UQCC6: variants seen among roughly 807,000 people sequenced by gnomAD.
UQCC6 encodes protein BRAWNIN.
the UQCC6 span, chr12:103,951,663 T>C: frequency 8.1e-7 from 1 of 1,236,838 alleles, no homozygotes; most frequent in Admixed American, 2.2e-5. Context: ...AACATAAATG[T>C]CTAACCCTTA....
chr12:103,960,616 A>G, the UQCC6 span, among the ~76,000 whole-genome samples: 1 of 152,218 alleles, frequency 6.6e-6, no homozygotes, highest in African/African-American at 2.4e-5. Flanking sequence ...CACATACCCC[A>G]CACCATATTA....
the UQCC6 span, among the ~76,000 whole-genome samples, chr12:103,958,359 A>G: frequency 6.6e-6 from 1 of 152,154 alleles, no homozygotes; most frequent in African/African-American, 2.4e-5. Flanking sequence ...AGTATACAAT[A>G]TGATGTTTGA....
chr12:103,951,634 CA>C, the UQCC6 span: 49 of 1,429,230 alleles, frequency 3.4e-5, no homozygotes, highest in South Asian at 4.0e-5. Context: ...GTATTGTCTG[CA>C]AAAAAAACAA....
chr12:103,956,762 G>C, the UQCC6 span: 2 of 1,498,968 alleles, frequency 1.3e-6, no homozygotes, highest in Non-Finnish European at 1.8e-6. Flanking sequence ...GACGGGGAAG[G>C]AAGGGGCAGT....
the UQCC6 span, among the ~76,000 whole-genome samples, chr12:103,957,582 C>T: frequency 4.6e-5 from 7 of 152,272 alleles, no homozygotes; most frequent in East Asian, 7.7e-4. Flanking sequence ...AAGGCACTCA[C>T]TGTCCCTGTG....
the UQCC6 span, chr12:103,950,234 A>G: frequency 6.6e-6 from 1 of 152,202 alleles, no homozygotes; most frequent in African/African-American, 2.4e-5. Context: ...TTTAATGCAT[A>G]TATGTTACAG....
At chr12:103,962,186 T>C in the UQCC6 span, among the ~76,000 whole-genome samples, 6 of 152,236 alleles carry the variant, frequency 3.9e-5, no homozygotes, top group East Asian at 9.6e-4. Context: ...TGTTTTCTTA[T>C]GGGTTTTGAG....
At chr12:103,957,612 C>G in the UQCC6 span, among the ~76,000 whole-genome samples, 1 of 152,202 alleles carries the variant, frequency 6.6e-6, no homozygotes, top group South Asian at 2.1e-4. Flanking sequence ...TTTTGATACC[C>G]GAAATAGAGC....
chr12:103,960,264 G>A, the UQCC6 span, among the ~76,000 whole-genome samples: 1 of 151,948 alleles, frequency 6.6e-6, no homozygotes, highest in Admixed American at 6.6e-5. Context: ...GTAGAGACGG[G>A]GTTTCACCAC....
chr12:103,952,686 C>G, the UQCC6 span, among the ~76,000 whole-genome samples: 1 of 151,962 alleles, frequency 6.6e-6, no homozygotes, highest in African/African-American at 2.4e-5. Context: ...ACTTGTTACT[C>G]TCTGTTTTAC....
the UQCC6 span, among the ~76,000 whole-genome samples, chr12:103,958,837 A>T: frequency 6.6e-6 from 1 of 152,236 alleles, no homozygotes; most frequent in African/African-American, 2.4e-5. Flanking sequence ...TTCTCAGATT[A>T]TATATTAACT....
chr12:103,953,911 G>C, the UQCC6 span, among the ~76,000 whole-genome samples: 4 of 152,204 alleles, frequency 2.6e-5, no homozygotes, highest in African/African-American at 9.7e-5. Context: ...GTCTATTCCT[G>C]CACAAGCTAT....
At chr12:103,951,377 A>G in the UQCC6 span, 1 of 509,842 alleles carries the variant, frequency 2.0e-6, no homozygotes, top group Admixed American at 3.6e-5. Context: ...AACCGTAATT[A>G]AATTTCAACG....
At chr12:103,955,062 C>A in the UQCC6 span, 1 of 647,718 alleles carries the variant, frequency 1.5e-6, no homozygotes, top group Non-Finnish European at 2.8e-6. Context: ...TGCCTGTAAC[C>A]CCAGCACTTT....
At chr12:103,964,144 T>A in the UQCC6 span, among the ~76,000 whole-genome samples, 1 of 43,748 alleles carries the variant, frequency 2.3e-5, no homozygotes, top group Non-Finnish European at 5.1e-5. Flanking sequence ...TTTTTTTTTT[T>A]TTTTTTTTTT....
chr12:103,956,668 C>A, the UQCC6 span: 1 of 1,551,716 alleles, frequency 6.4e-7, no homozygotes, highest in Non-Finnish European at 8.7e-7. Flanking sequence ...CACTTCTGCC[C>A]CTGCGCACAT....
At chr12:103,955,597 A>C in the UQCC6 span, 5 of 370,166 alleles carry the variant, frequency 1.4e-5, no homozygotes, top group South Asian at 1.1e-4. Flanking sequence ...GCACCACTGC[A>C]CTCCAACCTG....
At chr12:103,959,921 G>A in the UQCC6 span, among the ~76,000 whole-genome samples, 22 of 141,734 alleles carry the variant, frequency 1.6e-4, no homozygotes, top group Non-Finnish European at 2.1e-4. Flanking sequence ...ACAGGCACAC[G>A]CCACCATGCC....
chr12:103,963,772 C>T, the UQCC6 span, among the ~76,000 whole-genome samples: 1 of 152,032 alleles, frequency 6.6e-6, no homozygotes, highest in African/African-American at 2.4e-5. Context: ...ATTGATCTTC[C>T]TATATTGATA....
Sources: allele counts gnomAD v4.1 joint callset (sites outside exome capture counted in the v4.1 genomes callset), GRCh38; gene constraint gnomAD v4.1.1; transcripts MANE v1.5; gene names NCBI Gene and HGNC (gene_info 2026-07-23, HGNC 2026-07-21).